ZNF721: variants seen among roughly 807,000 people sequenced by gnomAD.
The protein encoded by ZNF721 is zinc finger protein 721.
A neutral mutation model predicts 2.4 loss-of-function variants in ZNF721; 2 were observed. That is an observed-to-expected ratio of 0.82 (90% CI 0.34 to 2.58). The LOEUF (loss-of-function observed/expected upper bound fraction) is 2.58, where lower values mean the gene tolerates loss of function less well. Ranked by LOEUF, ZNF721 falls within the 30% of genes most tolerant of loss-of-function variation. The probability of loss-of-function intolerance (pLI) is 0.11; values close to 1 mark genes in which losing one functional copy is unlikely to be tolerated. For missense variants in ZNF721, 1,187 were observed against 1,085.5 expected (o/e 1.09, Z -1.31); for synonymous variants, 398 against 381.8 (o/e 1.04, Z -0.50).
In ZNF721 at chr4:443,198, G is replaced by A. The variant is rs782702830; in HGVS notation, c.1269C>T (p.Gly423=). 6.8e-6 allele frequency: 11 copies of A among 1,613,636 alleles called. No homozygotes were observed. In the Admixed American group the frequency reaches 8.3e-5, roughly 12 times the overall value. The change falls in exon 3 of 3, where the codon GGC becomes GGT. Residue 423 remains glycine, a synonymous_variant. Transcript: ENST00000511833. ...GGTTTGTGGACAATCCAAAGGCTCT[G>A]CCACGATCTTCACATGTGTAGGGTT... ...REKPYTCEDR[G]RAFGLSTNLN...
intron 2 of ZNF721, among the ~76,000 whole-genome samples, chr4:450,554 C>T (rs1714614227): frequency 6.6e-6 from 1 of 152,084 alleles, no homozygotes; most frequent in Non-Finnish European, 1.5e-5. Context: ...AAAATATGGA[C>T]ATACACATGG....
rs1716536055 is a variant in ZNF721, at chr4:499,118, C to G, written c.-156G>C. ...AGACGGCCCCACGGAGCCGGGAACA[C>G]CGCCCGCTGTTCGTATGTCCGAGGT... On this transcript the variant is annotated 5_prime_UTR_variant, in exon 1 of 3. Coordinates refer to ENST00000511833, the MANE Select transcript of ZNF721 (RefSeq NM_133474.4). The G allele has an allele frequency of 3.5e-6, 2 of 573,490 alleles. No homozygotes were observed. Among genetic ancestry groups the G allele is most frequent in the Admixed American group, 6.9e-5 (2 of 28,916 alleles). The allele number at this position is 573,490 out of a possible 1,614,324, so 35.5% of individuals were successfully genotyped here. A position where few individuals can be genotyped will look rare whatever the true frequency, so the allele number is the denominator to read the frequency against.
rs538418029 is a variant in ZNF721 at position 485,747 on chromosome 4, G to A, written c.-93-13046C>T. ...TCCCAGCACTTTGGGAGGCCGAGGC[G>A]GGCGGATCATGAGGTCAAGAGATCG... On this transcript the variant is annotated intron_variant, in intron 1 of 2. Transcript: ENST00000511833. 6.3e-4 allele frequency among the ~76,000 whole-genome samples: 96 copies of A among 152,192 alleles called. 1 individual carries two copies. In the South Asian group the frequency reaches 0.013, roughly 21 times the overall value.
rs192147896 is a variant in ZNF721 at position 444,295 on chromosome 4, C to T, written c.172G>A (p.Val58Met). Residue 58 changes from valine to methionine, a missense_variant, in exon 3 of 3, where the codon GTG becomes ATG. Coordinates refer to ENST00000511833, the MANE Select transcript of ZNF721 (RefSeq NM_133474.4). ...TAAACTCCCTTCTGCACTTTACACA[C>T]GTTCATACTTTTACAGCCTTTCCTT... ...QLRKGCKSMN[V>M]CKVQKGVYNG... The T allele has an allele frequency of 5.3e-3, 8,512 of 1,614,092 alleles. 59 individuals carry two copies. The highest frequency in any genetic ancestry group is 0.034 in the Middle Eastern group (209 of 6,060).
chr4:460,232 A>G (rs1445250937), intron 2 of ZNF721, among the ~76,000 whole-genome samples: 2 of 152,134 alleles, frequency 1.3e-5, no homozygotes, highest in African/African-American at 2.4e-5. Flanking sequence ...AAAGAAAATT[A>G]TAACAGTCTC....
At chr4:455,800 C>T (rs533661870) in intron 2 of ZNF721, among the ~76,000 whole-genome samples, 9 of 152,138 alleles carry the variant, frequency 5.9e-5, no homozygotes, top group African/African-American at 1.9e-4. Flanking sequence ...TGTAGAGATC[C>T]ATTTCAAAAT....
Position 444,055 on chromosome 4 carries a change from T to G in ZNF721, c.412A>C (p.Thr138Pro). 1 of 1,613,856 alleles carries G rather than the reference T, an allele frequency of 6.2e-7. No individual in the cohort carries two copies. Residue 138 changes from threonine to proline, a missense_variant, in exon 3 of 3, where the codon ACT becomes CCT. Thr to Pro is a conservative substitution (Grantham distance 38). Coordinates refer to ENST00000511833, the MANE Select transcript of ZNF721 (RefSeq NM_133474.4). ...AAGTCTTTGCCACGTTCTTCACAAG[T>G]GTAGGGTTTCTCTCCAGCATGAATT... The part of the protein sequence containing the change: ...KGIHAGEKPY[T>P]CEERGKDFGW...
At chr4:492,197 A>C (rs6838612) in intron 1 of ZNF721, among the ~76,000 whole-genome samples, 1,562 of 151,884 alleles carry the variant, frequency 0.01, 25 homozygotes, top group African/African-American at 0.036. Context: ...ACAAAAAAAA[A>C]ACCTTAAATT....
At chr4:493,643 C>T (rs1302959770) in intron 1 of ZNF721, among the ~76,000 whole-genome samples, 1 of 149,522 alleles carries the variant, frequency 6.7e-6, no homozygotes, top group Non-Finnish European at 1.5e-5. Context: ...CATGCCATTG[C>T]ACTCCAGTCT....
chr4:466,339 A>C (rs549740960), intron 2 of ZNF721, among the ~76,000 whole-genome samples: 1 of 152,338 alleles, frequency 6.6e-6, no homozygotes, highest in East Asian at 1.9e-4. Flanking sequence ...ATATGTTTGC[A>C]ATAATACCTT....
intron 1 of ZNF721, among the ~76,000 whole-genome samples, chr4:484,546 A>G (rs1436851111): frequency 6.6e-6 from 1 of 152,232 alleles, no homozygotes; most frequent in East Asian, 1.9e-4. Flanking sequence ...AGGAGAATAC[A>G]CGCCTGGAGG....
At chr4:477,971 G>A (rs1366491385) in intron 1 of ZNF721, among the ~76,000 whole-genome samples, 2 of 152,154 alleles carry the variant, frequency 1.3e-5, no homozygotes, top group African/African-American at 4.8e-5. Flanking sequence ...GGGGACAAAG[G>A]CAAAGATTTA....
At chr4:473,959 A>G (rs782465444) in intron 1 of ZNF721, 5 of 1,505,640 alleles carry the variant, frequency 3.3e-6, no homozygotes, top group Middle Eastern at 1.8e-4. Flanking sequence ...CAGCCTTGGG[A>G]CGCCCTGCCC....
At position 479,527 on chromosome 4, in the gene ZNF721, G is replaced by C. The variant is rs143457302; in HGVS notation, c.-93-6826C>G. Among the ~76,000 whole-genome samples, 332 of 152,348 alleles carry C rather than the reference G, an allele frequency of 2.2e-3. 2 individuals carry two copies. The highest frequency in any genetic ancestry group is 7.4e-3 in the African/African-American group (307 of 41,584). On this transcript the variant is annotated intron_variant, in intron 1 of 2. Transcript: ENST00000511833. ...TGGAAGCAAAGCTATGTGCCTCCTG[G>C]AGAACAGGACGTTCAGGGACCAGGG...
rs560133050 is a variant in ZNF721 at position 465,653 on chromosome 4, C to T, written c.34+6922G>A. Among the ~76,000 whole-genome samples the T allele has an allele frequency of 3.5e-4, 53 of 151,988 alleles. 2 individuals carry two copies. The South Asian group carries it at 7.7e-3, about 22-fold the overall frequency. On this transcript the variant is annotated intron_variant, in intron 2 of 2. Transcript: ENST00000511833. ...TCCACCATGTTAGCCAGGATGGTCT[C>T]GATCTCCTGACCTCATGATCGGCCT...
chr4:495,977 C>G (rs1254727614), intron 1 of ZNF721, among the ~76,000 whole-genome samples: 1 of 152,158 alleles, frequency 6.6e-6, no homozygotes, highest in Non-Finnish European at 1.5e-5. Context: ...TTCGGCCGGA[C>G]AGAATGCTAC....
chr4:477,201 T>A (rs1715645916), intron 1 of ZNF721, among the ~76,000 whole-genome samples: 1 of 150,950 alleles, frequency 6.6e-6, no homozygotes, highest in South Asian at 2.1e-4. Flanking sequence ...TGGGAAAACA[T>A]GGAAAGTATC....
At chr4:450,937 C>CAAAAAAAAAAAAAAAAAAAAAA (rs781962651) in intron 2 of ZNF721, among the ~76,000 whole-genome samples, 1 of 26,510 alleles carries the variant, frequency 3.8e-5, no homozygotes, top group African/African-American at 1.8e-4. Flanking sequence ...ACTCTGTCTC[C>CAAAAAAAAAAAAAAAAAAAAAA]AAAAAAAAAA....
At chr4:445,694 TATAAA>T (rs1409860558) in intron 2 of ZNF721, among the ~76,000 whole-genome samples, 4 of 151,274 alleles carry the variant, frequency 2.6e-5, no homozygotes, top group Admixed American at 1.3e-4. Context: ...AGGTGAAAAA[TATAAA>T]ATAATGACTC....
Sources: allele counts gnomAD v4.1 joint callset (sites outside exome capture counted in the v4.1 genomes callset), GRCh38; gene constraint gnomAD v4.1.1; transcripts MANE v1.5; gene names NCBI Gene and HGNC (gene_info 2026-07-23, HGNC 2026-07-21).